GALNT14: variants seen among roughly 807,000 people sequenced by gnomAD.
GALNT14 encodes UDP-GalNAc:polypeptide N-acetylgalactosaminyltransferase 14.
In GALNT14, 60 loss-of-function variants were observed where a neutral mutation model predicts 77.5. The observed-to-expected ratio is 0.77, with a 90% CI of 0.63 to 0.96. The LOEUF (loss-of-function observed/expected upper bound fraction) is 0.96. Ranked by LOEUF, GALNT14 falls within the 40% of genes least tolerant of loss-of-function variation. The pLI, the probability that GALNT14 is intolerant of heterozygous loss-of-function variation, is 0.00. For missense variants in GALNT14, 710 were observed against 731.0 expected, an observed-to-expected ratio of 0.97 and a Z score of 0.33; for synonymous variants, 280 against 281.7, an observed-to-expected ratio of 0.99 and a Z score of 0.06.
At chr2:31,062,123 G>A (rs980935826) in intron 1 of GALNT14, among the ~76,000 whole-genome samples, 1 of 152,116 alleles carries the variant, frequency 6.6e-6, no homozygotes, top group African/African-American at 2.4e-5. Context: ...GTATACATGT[G>A]CCATGGTGGT....
At chr2:30,911,356 A>G (rs1433523959) in intron 14 of GALNT14, among the ~76,000 whole-genome samples, 3 of 152,038 alleles carry the variant, frequency 2.0e-5, no homozygotes, top group East Asian at 1.9e-4. Context: ...TAGTCACAGG[A>G]GCAACCTAAG....
Position 30,987,868 on chromosome 2 carries a change from C to A in GALNT14, c.299+4970G>T, listed in dbSNP as rs2067646. On this transcript the variant is annotated intron_variant, in intron 2 of 14. Transcript: ENST00000349752. ...TTCTCTGTTTCAGGCACTGTCCAAA[C>A]GCATCCTATAAATCAGAATCCAATT... 7.8e-3 allele frequency among the ~76,000 whole-genome samples: 1,190 copies of A among 152,290 alleles called. 12 individuals carry two copies. The highest frequency in any genetic ancestry group is 0.027 in the African/African-American group (1,140 of 41,558).
chr2:31,079,184 AAGTT>A, intron 1 of GALNT14: 6 of 578,386 alleles, frequency 1.0e-5, no homozygotes, highest in Non-Finnish European at 1.5e-5. Flanking sequence ...ATCAGTGTGG[AAGTT>A]GGCTGGACAA....
At chr2:30,942,122 C>T in intron 9 of GALNT14, 79 bp downstream of exon 9, 1 of 996,086 alleles carries the variant, frequency 1.0e-6, no homozygotes. Context: ...GGTGTTGGAT[C>T]CAAAACCACA....
chr2:31,051,032 T>C (rs1327755201), intron 1 of GALNT14, among the ~76,000 whole-genome samples: 1 of 152,050 alleles, frequency 6.6e-6, no homozygotes, highest in Admixed American at 6.5e-5. Flanking sequence ...AGAAACCACC[T>C]TCAGGGCAAG....
intron 1 of GALNT14, among the ~76,000 whole-genome samples, chr2:31,116,016 C>T (rs2148631080): frequency 6.6e-6 from 1 of 152,238 alleles, no homozygotes; most frequent in Admixed American, 6.5e-5. Flanking sequence ...GAGACAGATC[C>T]TGTCTCCAAA....
chr2:30,989,459 C>A (rs1450674742), intron 2 of GALNT14, among the ~76,000 whole-genome samples: 1 of 150,716 alleles, frequency 6.6e-6, no homozygotes, highest in Non-Finnish European at 1.5e-5. Context: ...AGAAACCTCT[C>A]CTTCCATTCC....
the GALNT14 span, among the ~76,000 whole-genome samples, chr2:30,903,059 A>C: frequency 2.6e-5 from 4 of 152,342 alleles, no homozygotes; most frequent in East Asian, 7.7e-4. Flanking sequence ...GTGCTTCAAC[A>C]AAAGAGCCAC....
chr2:30,921,044 G>A (rs1665000565), intron 13 of GALNT14, among the ~76,000 whole-genome samples: 1 of 152,168 alleles, frequency 6.6e-6, no homozygotes. Context: ...AGTGTGAGTT[G>A]CCCCCAGATG....
At chr2:31,026,098 G>A (rs911222587) in intron 1 of GALNT14, among the ~76,000 whole-genome samples, 1 of 152,202 alleles carries the variant, frequency 6.6e-6, no homozygotes, top group Non-Finnish European at 1.5e-5. Context: ...GACCATCACA[G>A]AGAGCTCGTC....
At chr2:31,137,915 C>A in intron 1 of GALNT14, 43 bp downstream of exon 1, 4 of 1,572,652 alleles carry the variant, frequency 2.5e-6, no homozygotes, top group East Asian at 2.4e-5. Context: ...CGCGCCCTCC[C>A]GCAAGCCACC....
chr2:31,075,327 T>C (rs1306863545), intron 1 of GALNT14, among the ~76,000 whole-genome samples: 2 of 152,200 alleles, frequency 1.3e-5, no homozygotes, highest in Non-Finnish European at 2.9e-5. Context: ...GTGCCCAGTC[T>C]CAGGTATTCC....
At chr2:30,938,235 C>T (rs181811260) in intron 9 of GALNT14, among the ~76,000 whole-genome samples, 57 of 151,898 alleles carry the variant, frequency 3.8e-4, no homozygotes, top group Non-Finnish European at 1.0e-4. Flanking sequence ...CCATATTCAC[C>T]CTTCATATAT....
chr2:31,024,519 C>T (rs541307771), intron 1 of GALNT14, among the ~76,000 whole-genome samples: 99 of 152,312 alleles, frequency 6.5e-4, no homozygotes, highest in African/African-American at 2.3e-3. Context: ...CCTGCTGCTC[C>T]TTCTACCTGG....
At chr2:30,963,932 C>T (rs1417998349) in intron 3 of GALNT14, among the ~76,000 whole-genome samples, 2 of 152,180 alleles carry the variant, frequency 1.3e-5, no homozygotes, top group Admixed American at 1.3e-4. Context: ...GGATACTGAG[C>T]CATTGGGAGG....
At chr2:30,907,618 T>C (rs1664178633), downstream of GALNT14, among the ~76,000 whole-genome samples, 1 of 152,042 alleles carries the variant, frequency 6.6e-6, no homozygotes, top group Non-Finnish European at 1.5e-5. Context: ...CACACCTGAA[T>C]TCTACCAGAG....
At chr2:30,922,290 T>C (rs148648361) in intron 13 of GALNT14, among the ~76,000 whole-genome samples, 99 of 152,280 alleles carry the variant, frequency 6.5e-4, no homozygotes, top group African/African-American at 2.0e-3. Context: ...TGAGATCTCA[T>C]AGCATCCTGT....
At chr2:31,079,955 C>T (rs1676054820) in intron 1 of GALNT14, among the ~76,000 whole-genome samples, 1 of 152,332 alleles carries the variant, frequency 6.6e-6, no homozygotes, top group African/African-American at 2.4e-5. Context: ...AGCAGTCCTG[C>T]ATTTAGCCAG....
At chr2:31,049,734 T>C (rs1189211257) in intron 1 of GALNT14, among the ~76,000 whole-genome samples, 1 of 152,210 alleles carries the variant, frequency 6.6e-6, no homozygotes, top group Non-Finnish European at 1.5e-5. Context: ...ACTTGTGGCC[T>C]ATGAAATCCA....
Sources: gnomAD v4.1 joint callset for allele counts (sites outside exome capture counted in the v4.1 genomes callset) on GRCh38, gnomAD v4.1.1 for gene constraint, MANE v1.5 for transcripts, NCBI Gene and HGNC (gene_info 2026-07-23, HGNC 2026-07-21) for gene names.